LOC400499: variants seen among roughly 807,000 people sequenced by gnomAD.
the LOC400499 span, chr16:11,493,582 C>T: frequency 1.3e-5 from 5 of 395,148 alleles, no homozygotes; most frequent in Non-Finnish European, 1.8e-5. Flanking sequence ...AATTAGCAAA[C>T]TGTGGTTCGA....
chr16:11,491,901 G>A, the LOC400499 span: 2 of 398,328 alleles, frequency 5.0e-6, no homozygotes, highest in East Asian at 3.6e-5. Flanking sequence ...CCACCCAGGA[G>A]TATGATGTCC....
At chr16:11,385,559 A>C in the LOC400499 span, 1 of 486,150 alleles carries the variant, frequency 2.1e-6, no homozygotes. Context: ...CCCCTGGCGC[A>C]GCAGCCAGAG....
At chr16:11,492,707 C>A in the LOC400499 span, among the ~76,000 whole-genome samples, 1 of 151,784 alleles carries the variant, frequency 6.6e-6, no homozygotes, top group Non-Finnish European at 1.5e-5. Context: ...ATGGCGTGAA[C>A]CCAGGAGGCA....
the LOC400499 span, chr16:11,494,746 G>C: frequency 2.5e-6 from 1 of 399,134 alleles, no homozygotes; most frequent in South Asian, 1.3e-4. Context: ...TGGCCCTCGG[G>C]GTCTGGAGCA....
the LOC400499 span, chr16:11,447,858 T>C: frequency 4.1e-6 from 6 of 1,453,372 alleles, no homozygotes; most frequent in South Asian, 1.4e-5. Context: ...GCCCATCCTG[T>C]TCCCCCTGGG....
the LOC400499 span, among the ~76,000 whole-genome samples, chr16:11,375,918 G>A: frequency 1.3e-5 from 2 of 151,964 alleles, no homozygotes; most frequent in East Asian, 1.9e-4. Context: ...TAGTAGAGAC[G>A]GGGTGAGAAA....
chr16:11,506,039 T>G, the LOC400499 span, among the ~76,000 whole-genome samples: 1 of 152,054 alleles, frequency 6.6e-6, no homozygotes, highest in Non-Finnish European at 1.5e-5. Flanking sequence ...TTATTTTATT[T>G]TATTTATTTA....
At chr16:11,375,047 C>T in the LOC400499 span, among the ~76,000 whole-genome samples, 1 of 151,974 alleles carries the variant, frequency 6.6e-6, no homozygotes, top group Non-Finnish European at 1.5e-5. Flanking sequence ...GGGGTTTCAC[C>T]ATGTTGGCCA....
chr16:11,436,065 G>A, the LOC400499 span, among the ~76,000 whole-genome samples: 1 of 152,204 alleles, frequency 6.6e-6, no homozygotes, highest in African/African-American at 2.4e-5. Context: ...AGCCTACCCT[G>A]GCTCCAGCTC....
At chr16:11,372,040 A>C in the LOC400499 span, 2 of 152,310 alleles carry the variant, frequency 1.3e-5, no homozygotes, top group South Asian at 2.1e-4. Context: ...TTTATTTTTC[A>C]GTTGAAAACT....
chr16:11,436,862 G>A, the LOC400499 span, among the ~76,000 whole-genome samples: 118 of 152,162 alleles, frequency 7.8e-4, no homozygotes, highest in Admixed American at 7.9e-4. Flanking sequence ...CCAAAGTGCT[G>A]GGATTACAGG....
At chr16:11,431,120 G>A in the LOC400499 span, 8 of 399,094 alleles carry the variant, frequency 2.0e-5, no homozygotes, top group East Asian at 1.1e-4. Flanking sequence ...ACCGTGTGCC[G>A]GGTTTGGCTC....
chr16:11,385,991 G>C, the LOC400499 span, among the ~76,000 whole-genome samples: 3 of 152,068 alleles, frequency 2.0e-5, no homozygotes, highest in South Asian at 4.2e-4. Flanking sequence ...AGCTGAGATG[G>C]CGCCACTGCA....
the LOC400499 span, chr16:11,442,530 G>A: frequency 5.3e-5 from 8 of 152,002 alleles, no homozygotes; most frequent in East Asian, 1.9e-4. Context: ...GCCTAGACAC[G>A]GTTTTAAAAA....
the LOC400499 span, chr16:11,518,856 G>C: frequency 7.5e-6 from 3 of 399,104 alleles, no homozygotes; most frequent in Non-Finnish European, 1.3e-5. Context: ...CACAGCTCCA[G>C]CCCCATCGTG....
chr16:11,482,827 G>C, the LOC400499 span, among the ~76,000 whole-genome samples: 4 of 151,640 alleles, frequency 2.6e-5, no homozygotes, highest in African/African-American at 7.3e-5. Flanking sequence ...AGCAGGTCAA[G>C]GTTGCAGTGA....
At chr16:11,384,899 A>C in the LOC400499 span, 7 of 1,232,306 alleles carry the variant, frequency 5.7e-6, no homozygotes, top group Non-Finnish European at 7.1e-6. Context: ...GTGCTGCCAG[A>C]GGCCCAGAGT....
chr16:11,514,140 G>C, the LOC400499 span, among the ~76,000 whole-genome samples: 1 of 152,208 alleles, frequency 6.6e-6, no homozygotes, highest in Non-Finnish European at 1.5e-5. Context: ...CCAGGGAAAA[G>C]GGACTCAACC....
the LOC400499 span, among the ~76,000 whole-genome samples, chr16:11,495,523 G>C: frequency 6.6e-6 from 1 of 151,684 alleles, no homozygotes; most frequent in Non-Finnish European, 1.5e-5. Flanking sequence ...TGAGATTACA[G>C]ACACGTGCCA....
Sources: gnomAD v4.1 joint callset for allele counts (sites outside exome capture counted in the v4.1 genomes callset) on GRCh38, gnomAD v4.1.1 for gene constraint, MANE v1.5 for transcripts.